MACROD2: variants seen among roughly 807,000 people sequenced by gnomAD.
The protein encoded by MACROD2 is mono-ADP ribosylhydrolase 2.
In MACROD2, 36 loss-of-function variants were observed where a neutral mutation model predicts 70.4. The ratio of observed to expected loss-of-function variants is 0.51; its 90% confidence interval spans 0.39 to 0.68. The LOEUF (loss-of-function observed/expected upper bound fraction) is 0.68, where lower values mean the gene tolerates loss of function less well. Ranked by LOEUF, MACROD2 falls within the 30% of genes least tolerant of loss-of-function variation. The pLI is 0.00. For synonymous variants in MACROD2, 172 were observed against 178.8 expected (o/e 0.96, Z 0.30); for missense variants, 496 against 538.4 (o/e 0.92, Z 0.78).
At chr20:15,084,249 A>C (rs185124371) in intron 5 of MACROD2, among the ~76,000 whole-genome samples, 2 of 151,764 alleles carry the variant, frequency 1.3e-5, no homozygotes, top group Admixed American at 1.3e-4. Flanking sequence ...TGTATTTTTA[A>C]TAGAGATGGG....
intron 2 of MACROD2, among the ~76,000 whole-genome samples, chr20:14,067,266 A>G (rs2053775964): frequency 1.3e-5 from 2 of 150,572 alleles, no homozygotes; most frequent in Admixed American, 1.3e-4. Context: ...TGGGACTACT[A>G]GTGTGCGTCA....
At position 14,085,619 on chromosome 20, in the gene MACROD2, A is replaced by C; in HGVS notation, c.164-2A>C. ...TTGATATATATCCATTTTCTATTAC[A>C]GAAGAAAATACTCAGGAAACATCCC... On this transcript the variant is annotated splice_acceptor_variant, in intron 2 of 17. Transcript: ENST00000684519. LOFTEE classifies it high-confidence loss of function. 6.6e-7 allele frequency: 1 copy of C among 1,518,668 alleles called. No individual in the cohort carries two copies. The highest frequency in any genetic ancestry group is 8.9e-7 in the Non-Finnish European group (1 of 1,124,490). The allele number at this position is 1,518,668 out of a possible 1,614,324, so 94.1% of individuals were successfully genotyped here.
intron 3 of MACROD2, among the ~76,000 whole-genome samples, chr20:14,142,352 T>TTA (rs1390710406): frequency 2.6e-5 from 4 of 152,132 alleles, no homozygotes; most frequent in Non-Finnish European, 5.9e-5. Flanking sequence ...GGGAATCTCT[T>TTA]TATTGTCTTT....
chr20:15,350,938 CAA>C, intron 6 of MACROD2, among the ~76,000 whole-genome samples: 1 of 152,008 alleles, frequency 6.6e-6, no homozygotes, highest in Admixed American at 6.6e-5. Flanking sequence ...AATAGCAAAA[CAA>C]AAACAAAAAC....
chr20:14,539,830 T>C (rs2085409468), intron 4 of MACROD2, among the ~76,000 whole-genome samples: 1 of 152,238 alleles, frequency 6.6e-6, no homozygotes, highest in Non-Finnish European at 1.5e-5. Context: ...CAAATTCTGA[T>C]AAAGATGTGA....
At chr20:15,186,358 C>T (rs1212003945) in intron 5 of MACROD2, among the ~76,000 whole-genome samples, 1 of 152,126 alleles carries the variant, frequency 6.6e-6, no homozygotes, top group Non-Finnish European at 1.5e-5. Context: ...TCAGTTGGCA[C>T]CAGATTCTAG....
At chr20:15,758,838 TG>T (rs1225549674) in intron 8 of MACROD2, among the ~76,000 whole-genome samples, 6 of 151,266 alleles carry the variant, frequency 4.0e-5, no homozygotes, top group Admixed American at 6.6e-5. Context: ...GCACTGTTCC[TG>T]GCCTAATTCG....
chr20:14,110,194 AG>A (rs1338168060), intron 3 of MACROD2, among the ~76,000 whole-genome samples: 3 of 151,908 alleles, frequency 2.0e-5, no homozygotes, highest in Non-Finnish European at 4.4e-5. Flanking sequence ...CGTTTGTAAA[AG>A]ATCTAAAAAA....
At chr20:14,837,470 G>C (rs1322639341) in intron 5 of MACROD2, among the ~76,000 whole-genome samples, 1 of 151,960 alleles carries the variant, frequency 6.6e-6, no homozygotes, top group Non-Finnish European at 1.5e-5. Flanking sequence ...AGTATGAATG[G>C]ATATGTAACA....
intron 8 of MACROD2, among the ~76,000 whole-genome samples, chr20:15,676,932 C>T (rs750767748): frequency 3.9e-5 from 6 of 152,118 alleles, no homozygotes; most frequent in South Asian, 2.1e-4. Flanking sequence ...AAAATAAATG[C>T]GTTGGGTTCA....
intron 8 of MACROD2, among the ~76,000 whole-genome samples, chr20:15,804,018 A>T (rs1356766573): frequency 1.3e-5 from 2 of 152,230 alleles, no homozygotes; most frequent in Admixed American, 1.3e-4. Context: ...GCCTCATTTT[A>T]GAAGTTTCGA....
intron 6 of MACROD2, among the ~76,000 whole-genome samples, chr20:15,364,684 T>C (rs2146251397): frequency 6.6e-6 from 1 of 152,304 alleles, no homozygotes; most frequent in Non-Finnish European, 1.5e-5. Flanking sequence ...TACAAGCCTG[T>C]ATATAGGCAC....
intron 3 of MACROD2, among the ~76,000 whole-genome samples, chr20:14,447,152 G>T (rs958574465): frequency 5.9e-5 from 9 of 151,988 alleles, no homozygotes; most frequent in Non-Finnish European, 1.3e-4. Flanking sequence ...CTGAGTAGCT[G>T]GGATTACAGG....
intron 8 of MACROD2, among the ~76,000 whole-genome samples, chr20:15,795,263 C>T (rs1193471232): frequency 6.6e-6 from 1 of 151,968 alleles, no homozygotes; most frequent in South Asian, 2.1e-4. Flanking sequence ...GAAAGAGGTA[C>T]AGCCACAGGT....
chr20:14,390,011 C>G (rs2083510201), intron 3 of MACROD2, among the ~76,000 whole-genome samples: 1 of 152,118 alleles, frequency 6.6e-6, no homozygotes, highest in Admixed American at 6.6e-5. Context: ...ATAGTCTTAG[C>G]CCAAAACTTC....
chr20:14,316,497 C>G (rs1189781586), intron 3 of MACROD2, among the ~76,000 whole-genome samples: 1 of 152,154 alleles, frequency 6.6e-6, no homozygotes, highest in Non-Finnish European at 1.5e-5. Context: ...CACAGGCAGC[C>G]CAGGATGGCT....
intron 8 of MACROD2, among the ~76,000 whole-genome samples, chr20:15,809,323 G>A (rs2063796618): frequency 6.6e-6 from 1 of 152,058 alleles, no homozygotes; most frequent in Admixed American, 6.6e-5. Flanking sequence ...TTTGCCTCTG[G>A]TATCCCTCAT....
chr20:15,680,996 G>A (rs894990578), intron 8 of MACROD2, among the ~76,000 whole-genome samples: 2 of 152,146 alleles, frequency 1.3e-5, no homozygotes, highest in Non-Finnish European at 2.9e-5. Flanking sequence ...CCATTTTTAG[G>A]AGAAAGAAAA....
chr20:15,381,395 G>A (rs1030925816), intron 6 of MACROD2, among the ~76,000 whole-genome samples: 2 of 151,614 alleles, frequency 1.3e-5, no homozygotes, highest in Non-Finnish European at 2.9e-5. Flanking sequence ...GTGAATTGGT[G>A]TCTTACTTCA....
Sources: allele counts gnomAD v4.1 joint callset (sites outside exome capture counted in the v4.1 genomes callset), GRCh38; gene constraint gnomAD v4.1.1; transcripts MANE v1.5; gene names NCBI Gene and HGNC (gene_info 2026-07-23, HGNC 2026-07-21).